The following SENP7 variants were observed in gnomAD, a reference collection of about 807,000 sequenced individuals.
The protein encoded by SENP7 is SUMO specific peptidase 7.
SENP7 carries 64 observed loss-of-function variants against 141.2 expected under a neutral mutation model. The observed-to-expected ratio is 0.45, with a 90% CI of 0.37 to 0.56. SENP7 has a LOEUF of 0.56. SENP7 is among the 20% of genes least tolerant of loss of function. The probability of loss-of-function intolerance (pLI) is 0.00; values close to 1 mark genes in which losing one functional copy is unlikely to be tolerated. For missense variants in SENP7, 1,025 were observed against 1,212.2 expected (o/e 0.85, Z 2.29); for synonymous variants, 382 against 426.4 (o/e 0.90, Z 1.28).
At chr3:101,417,346 TAA>T (rs1403791977) in intron 5 of SENP7, among the ~76,000 whole-genome samples, 1 of 152,118 alleles carries the variant, frequency 6.6e-6, no homozygotes, top group Non-Finnish European at 1.5e-5. Flanking sequence ...CAAATTTAAA[TAA>T]GTTAAATGTA....
At chr3:101,331,888 G>A (rs879348443) in intron 19 of SENP7, 97 bp downstream of exon 19, 2 of 1,213,948 alleles carry the variant, frequency 1.6e-6, no homozygotes, top group Non-Finnish European at 2.3e-6. Context: ...TTTAATGATA[G>A]TAAATAACTA....
intron 17 of SENP7, 53 bp from the exon 18 acceptor site, chr3:101,332,915 G>T (rs940549716): frequency 1.3e-6 from 2 of 1,501,584 alleles, no homozygotes. Flanking sequence ...ATTTAAGATA[G>T]GGACTTCAAG....
intron 6 of SENP7, among the ~76,000 whole-genome samples, chr3:101,378,084 C>T (rs1233897980): frequency 6.6e-6 from 1 of 151,666 alleles, no homozygotes; most frequent in African/African-American, 2.4e-5. Context: ...CTTCCTCTCA[C>T]ATCTTACCAC....
chr3:101,361,189 G>C (rs559077996), intron 11 of SENP7, among the ~76,000 whole-genome samples: 1 of 150,246 alleles, frequency 6.7e-6, no homozygotes, highest in Non-Finnish European at 1.5e-5. Flanking sequence ...CTCCAGCCTG[G>C]GTGAAACAGT....
rs559004740 is a variant in SENP7, at chr3:101,468,889, C to T, written c.187-9837G>A. 1.0e-3 allele frequency among the ~76,000 whole-genome samples: 152 copies of T among 152,080 alleles called. 1 individual carries two copies. Among genetic ancestry groups the T allele is most frequent in the African/African-American group, 3.3e-3 (138 of 41,480 alleles). ...CCTTAAATGTAAATGGGCTAAATAC[C>T]CCAATTAAAAGACACAGACTGGCAA... On this transcript the variant is annotated intron_variant, in intron 3 of 23. Transcript: ENST00000394095.
chr3:101,511,617 A>T (rs889130517), intron 1 of SENP7, among the ~76,000 whole-genome samples: 1 of 152,110 alleles, frequency 6.6e-6, no homozygotes, highest in Non-Finnish European at 1.5e-5. Flanking sequence ...AAAGGAAAAA[A>T]CTATTATCTC....
chr3:101,373,023 A>G (rs147653505), intron 6 of SENP7, among the ~76,000 whole-genome samples: 1 of 152,168 alleles, frequency 6.6e-6, no homozygotes, highest in African/African-American at 2.4e-5. Flanking sequence ...ATAAAGACCA[A>G]TTACACGTAA....
rs1224825983 is a variant in SENP7, at chr3:101,465,901, TGAA to T, written c.187-6852_187-6850del. ...AAAAAGTAAATAATCCAAAAAATTA[TGAA>T]AACAATTTATGATCTCGATTAGAAA... On this transcript the variant is annotated intron_variant, in intron 3 of 23. Transcript: ENST00000394095. 2.0e-5 allele frequency among the ~76,000 whole-genome samples: 3 copies of T among 152,152 alleles called. No individual in the cohort carries two copies. The East Asian group carries it at 5.8e-4, about 29-fold the overall frequency.
At chr3:101,510,709 C>T (rs557632941) in intron 1 of SENP7, among the ~76,000 whole-genome samples, 31 of 151,912 alleles carry the variant, frequency 2.0e-4, no homozygotes, top group South Asian at 2.1e-4. Flanking sequence ...AAAAATTAAC[C>T]GGGCATGGTG....
intron 17 of SENP7, among the ~76,000 whole-genome samples, chr3:101,336,126 G>A (rs1215093625): frequency 1.3e-5 from 2 of 152,152 alleles, no homozygotes; most frequent in South Asian, 2.1e-4. Context: ...AAACTGGAAA[G>A]CTATATCCAA....
intron 17 of SENP7, 150 bp downstream of exon 17, chr3:101,337,359 G>T: frequency 2.1e-6 from 1 of 467,566 alleles, no homozygotes; most frequent in Non-Finnish European, 3.7e-6. Context: ...GGAAGGATGA[G>T]AAATGGCTCT....
intron 4 of SENP7, among the ~76,000 whole-genome samples, chr3:101,450,859 A>G (rs969248217): frequency 5.9e-5 from 9 of 152,216 alleles, no homozygotes; most frequent in African/African-American, 2.2e-4. Context: ...GAAATAACTA[A>G]GATCAGGGCA....
chr3:101,434,882 A>T (rs1559819801), intron 4 of SENP7, among the ~76,000 whole-genome samples: 1 of 152,150 alleles, frequency 6.6e-6, no homozygotes, highest in Non-Finnish European at 1.5e-5. Flanking sequence ...ACTATTCTGA[A>T]AAAGAGAGGA....
intron 4 of SENP7, among the ~76,000 whole-genome samples, chr3:101,441,902 T>C (rs2062689588): frequency 6.6e-6 from 1 of 152,062 alleles, no homozygotes; most frequent in Non-Finnish European, 1.5e-5. Context: ...AATAAATAAA[T>C]TGCAGCATAA....
chr3:101,464,871 AATAG>A (rs993839527), intron 3 of SENP7, among the ~76,000 whole-genome samples: 27 of 152,184 alleles, frequency 1.8e-4, no homozygotes, highest in Non-Finnish European at 3.4e-4. Context: ...TGGATCTGGA[AATAG>A]ATAGACCAAT....
intron 5 of SENP7, among the ~76,000 whole-genome samples, chr3:101,409,946 G>C (rs1213881497): frequency 6.6e-6 from 1 of 152,090 alleles, no homozygotes; most frequent in African/African-American, 2.4e-5. Context: ...GGAGTTAACT[G>C]AACTAAAGAG....
chr3:101,326,626 T>C (rs190858332), intron 23 of SENP7, among the ~76,000 whole-genome samples: 87 of 152,328 alleles, frequency 5.7e-4, no homozygotes, highest in African/African-American at 1.8e-3. Flanking sequence ...AAATTTCATC[T>C]TTAATACTGC....
intron 1 of SENP7, among the ~76,000 whole-genome samples, chr3:101,506,210 G>C (rs927799599): frequency 6.6e-6 from 1 of 152,048 alleles, no homozygotes; most frequent in African/African-American, 2.4e-5. Context: ...AGTAGAGAGA[G>C]AGTTTCACCA....
At chr3:101,435,157 G>T (rs911964657) in intron 4 of SENP7, among the ~76,000 whole-genome samples, 2 of 151,998 alleles carry the variant, frequency 1.3e-5, no homozygotes, top group Non-Finnish European at 1.5e-5. Context: ...TCAACAGAAT[G>T]AAGGATAAAA....
Sources: gnomAD v4.1 joint callset for allele counts (sites outside exome capture counted in the v4.1 genomes callset) on GRCh38, gnomAD v4.1.1 for gene constraint, MANE v1.5 for transcripts, NCBI Gene and HGNC (gene_info 2026-07-23, HGNC 2026-07-21) for gene names.